Variants in PCDHGC3 observed in about 807,000 individuals in gnomAD.
PCDHGC3 encodes protocadherin gamma-C3.
Under a neutral mutation model 59.2 loss-of-function variants are expected in PCDHGC3, and 26 were observed. The ratio of observed to expected loss-of-function variants is 0.44; its 90% CI spans 0.32 to 0.61. The LOEUF is 0.61. PCDHGC3 is among the 20% of genes least tolerant of loss of function. The pLI, the probability that PCDHGC3 is intolerant of heterozygous loss-of-function variation, is 0.05. For missense variants in PCDHGC3, 1,080 were observed against 1,221.8 expected, an observed-to-expected ratio of 0.88 and a Z score of 1.73; for synonymous variants, 487 against 519.7, an observed-to-expected ratio of 0.94 and a Z score of 0.86.
Position 141,489,317 on chromosome 5 carries a change from G to T in PCDHGC3, c.2431-5490G>T. ...ATGTTGTCCTTGTGCTGCTGGGGCT[G>T]GGTGTCTGGGCAGCTTCGTTACTCA... is the stretch of plus-strand genomic sequence containing the variant. On this transcript the variant is annotated intron_variant, in intron 1 of 3. Coordinates refer to ENST00000308177, the MANE Select transcript of PCDHGC3 (RefSeq NM_002588.4). The surrounding 1 kb of genome is among the most constrained non-coding windows in gnomAD (Gnocchi z 4.5). 6.3e-7 allele frequency: 1 copy of T among 1,598,654 alleles called. No homozygotes were observed. The highest frequency in any genetic ancestry group is 8.5e-7 in the Non-Finnish European group (1 of 1,171,456).
rs143168452 is a variant in PCDHGC3 at position 141,504,127 on chromosome 5, C to T, written c.2490-1266C>T. Among the ~76,000 whole-genome samples the T allele has an allele frequency of 1.3e-3, 195 of 152,220 alleles. 2 individuals carry two copies. The highest frequency in any genetic ancestry group is 4.4e-3 in the African/African-American group (181 of 41,520). On this transcript the variant is annotated intron_variant, in intron 2 of 3. Transcript: ENST00000308177. ...CTGTGTGTGTGCCAGGGCTGTTTCC[C>T]GCCAACACTCCCCTGCAAATTGAAA...
At chr5:141,495,153 T>G (rs2154591630) in intron 2 of PCDHGC3, among the ~76,000 whole-genome samples, 1 of 152,290 alleles carries the variant, frequency 6.6e-6, no homozygotes, top group East Asian at 1.9e-4. Flanking sequence ...AGGATGGTCT[T>G]AAGCTGGTCT....
chr5:141,507,578 C>T (rs1268451710), intron 3 of PCDHGC3, among the ~76,000 whole-genome samples: 1 of 152,220 alleles, frequency 6.6e-6, no homozygotes, highest in East Asian at 1.9e-4. Context: ...GAGGAGATGC[C>T]AAGTTGGCCT....
chr5:141,481,913 C>CA (rs34114744), intron 1 of PCDHGC3, among the ~76,000 whole-genome samples: 1,134 of 90,654 alleles, frequency 0.013, 16 homozygotes, highest in East Asian at 0.053. Flanking sequence ...AACTCCATCT[C>CA]AAAAAAAAAA....
chr5:141,498,807 C>T (rs113587634), intron 2 of PCDHGC3, among the ~76,000 whole-genome samples: 5,552 of 152,138 alleles, frequency 0.036, 136 homozygotes, highest in South Asian at 0.073. Context: ...GTGGTGCACA[C>T]CTGTAGTCCC....
Position 141,511,617 on chromosome 5 carries a change from C to T in PCDHGC3, c.*444C>T, listed in dbSNP as rs1562253545. The T allele has an allele frequency of 4.3e-6, 1 of 233,232 alleles. No homozygotes were observed. Among genetic ancestry groups the T allele is most frequent in the African/African-American group, 2.2e-5 (1 of 45,220 alleles). The allele number at this position is 233,232 out of a possible 1,614,324, so 14.4% of individuals were successfully genotyped here. A position where few individuals can be genotyped will look rare whatever the true frequency, so the allele number is the denominator to read the frequency against. Reference sequence around the variant, plus strand: ...CAAGTAACCTACAAGCCTCCTAGTTCTGAAAAGTTGGAAGGGCATCATGAC... The same window carrying T: ...CAAGTAACCTACAAGCCTCCTAGTTTTGAAAAGTTGGAAGGGCATCATGAC... On this transcript the variant is annotated 3_prime_UTR_variant, in exon 4 of 4. Coordinates refer to ENST00000308177, the MANE Select transcript of PCDHGC3 (RefSeq NM_002588.4).
At chr5:141,510,334 C>G (rs1463634534) in intron 3 of PCDHGC3, among the ~76,000 whole-genome samples, 1 of 151,448 alleles carries the variant, frequency 6.6e-6, no homozygotes, top group African/African-American at 2.4e-5. Context: ...TCTTCACCCC[C>G]ACCCCACACA....
chr5:141,493,962 T>C lies in PCDHGC3; in HGVS notation c.2431-845T>C, dbSNP rs550317675. 6.6e-6 allele frequency among the ~76,000 whole-genome samples: 1 copy of C among 152,320 alleles called. No homozygotes were observed. Among genetic ancestry groups the C allele is most frequent in the African/African-American group, 2.4e-5 (1 of 41,578 alleles). ...AGAAGGGACTCAGGAATGAAGTGGC[T>C]GGCCAGAGCCCCACACCTTCAGCTA... is the stretch of plus-strand genomic sequence containing the variant. On this transcript the variant is annotated intron_variant, in intron 1 of 3. Coordinates refer to ENST00000308177, the MANE Select transcript of PCDHGC3 (RefSeq NM_002588.4). This position sits in a 1 kb window ranked among gnomAD's most constrained non-coding sequence, Gnocchi z 4.3.
chr5:141,496,132 C>T (rs865808904), intron 2 of PCDHGC3, among the ~76,000 whole-genome samples: 1 of 152,058 alleles, frequency 6.6e-6, no homozygotes, highest in African/African-American at 2.4e-5. Flanking sequence ...CCCTCACACA[C>T]TGAGCCTTTG....
chr5:141,491,709 C>T lies in PCDHGC3; in HGVS notation c.2431-3098C>T, dbSNP rs2099725685. On this transcript the variant is annotated intron_variant, in intron 1 of 3. Coordinates refer to ENST00000308177, the MANE Select transcript of PCDHGC3 (RefSeq NM_002588.4). The surrounding 1 kb of genome is among the most constrained non-coding windows in gnomAD (Gnocchi z 6.9). The stretch of plus-strand genomic sequence containing the variant: ...TGCGGGAGCGGAGCCAGGTGAGGGG[C>T]TCGGCGCCGCCCCGGGCGACCCCTG... 6.2e-7 allele frequency: 1 copy of T among 1,610,156 alleles called. No homozygotes were observed. Among genetic ancestry groups the T allele is most frequent in the Non-Finnish European group, 8.5e-7 (1 of 1,178,376 alleles).
intron 2 of PCDHGC3, among the ~76,000 whole-genome samples, 199 bp downstream of exon 2, chr5:141,495,064 C>T (rs563712352): frequency 6.6e-6 from 1 of 152,296 alleles, no homozygotes; most frequent in South Asian, 2.1e-4. Context: ...GTTCAGGAAG[C>T]TCAATTCACA....
chr5:141,497,702 G>A (rs904199928), intron 2 of PCDHGC3, among the ~76,000 whole-genome samples: 16 of 152,054 alleles, frequency 1.1e-4, no homozygotes, highest in African/African-American at 3.9e-4. Context: ...ACCACACCCA[G>A]CTCATTTTTG....
chr5:141,503,598 CAAAAA>C (rs765754054), intron 2 of PCDHGC3, among the ~76,000 whole-genome samples: 1 of 65,760 alleles, frequency 1.5e-5, no homozygotes, highest in African/African-American at 4.7e-5. Context: ...GACTCCAGCT[CAAAAA>C]AAAAAAAAAA....
rs1422052114 is a variant in PCDHGC3, at chr5:141,511,168, A to T, written c.2800A>T (p.Lys934Ter). The change falls in exon 4 of 4, where the codon AAG (lysine) becomes TAG (stop). Residue 934 changes from lysine to a stop codon, truncating the protein, a stop_gained. Coordinates refer to ENST00000308177, the MANE Select transcript of PCDHGC3 (RefSeq NM_002588.4). LOFTEE classifies it high-confidence loss of function. ...GAAGAAGTCGGGCAAGAAGGAGAAG[A>T]AGTAACATGGAGGCCAGGCCAAGAG... is the stretch of plus-strand genomic sequence containing the variant. The part of the protein sequence containing the change: ...NKKKSGKKEK[K>*] 1.4e-5 allele frequency: 22 copies of T among 1,614,038 alleles called. No individual in the cohort carries two copies. The highest frequency in any genetic ancestry group is 1.7e-5 in the Non-Finnish European group (20 of 1,180,008).
chr5:141,482,109 C>G (rs972542276), intron 1 of PCDHGC3, among the ~76,000 whole-genome samples: 2 of 149,582 alleles, frequency 1.3e-5, no homozygotes, highest in African/African-American at 2.5e-5. Context: ...AAAAAAATAT[C>G]TAGAGATGGG....
At chr5:141,483,207 A>G (rs1225621725) in intron 1 of PCDHGC3, among the ~76,000 whole-genome samples, 1 of 152,224 alleles carries the variant, frequency 6.6e-6, no homozygotes, top group African/African-American at 2.4e-5. Context: ...TATTCCATAT[A>G]GATGACAGTC....
intron 1 of PCDHGC3, among the ~76,000 whole-genome samples, chr5:141,479,996 G>A (rs759188600): frequency 7.2e-5 from 11 of 152,244 alleles, no homozygotes; most frequent in Middle Eastern, 3.2e-3. Context: ...CTAGGAGTCT[G>A]TGGCCAAGTT....
In PCDHGC3 at chr5:141,486,667, G is replaced by A; in HGVS notation, c.2430+8121G>A. On this transcript the variant is annotated intron_variant, in intron 1 of 3. Coordinates refer to ENST00000308177, the MANE Select transcript of PCDHGC3 (RefSeq NM_002588.4). The surrounding 1 kb of genome is among the most constrained non-coding windows in gnomAD (Gnocchi z 5.0). ...TCTCCTACTCACTCCTGGAGCCCAG[G>A]AATCGAGATGTATCAGCTTCCTCTT... 4 of 1,613,948 alleles carry A rather than the reference G, an allele frequency of 2.5e-6. No individual in the cohort carries two copies. Among genetic ancestry groups the A allele is most frequent in the Non-Finnish European group, 3.4e-6 (4 of 1,180,014 alleles).
At position 141,478,342 on chromosome 5, in the gene PCDHGC3, G is replaced by T. The variant is rs1489278202; in HGVS notation, c.2226G>T (p.Leu742Phe). The change falls in exon 1 of 4, where the codon TTG becomes TTT. Residue 742 changes from leucine to phenylalanine, a missense_variant. Coordinates refer to ENST00000308177, the MANE Select transcript of PCDHGC3 (RefSeq NM_002588.4). Reference protein sequence around the residue: ...SSLYRTPGPSLHADAVRGGLM... With the variant: ...SSLYRTPGPSFHADAVRGGLM... ...TGTACCGAACACCAGGGCCCTCCTTGCACGCGGACGCCGTGCGGGGAGGCC... is the reference window on the plus strand; with the variant it reads ...TGTACCGAACACCAGGGCCCTCCTTTCACGCGGACGCCGTGCGGGGAGGCC... 6.2e-7 allele frequency: 1 copy of T among 1,613,862 alleles called. No individual in the cohort carries two copies. The highest frequency in any genetic ancestry group is 8.5e-7 in the Non-Finnish European group (1 of 1,180,018).
Sources: allele counts gnomAD v4.1 joint callset (sites outside exome capture counted in the v4.1 genomes callset), GRCh38; gene constraint gnomAD v4.1.1; non-coding constraint Gnocchi (gnomAD v3.1); transcripts MANE v1.5; gene names NCBI Gene and HGNC (gene_info 2026-07-23, HGNC 2026-07-21).